BIN1: variants seen among roughly 807,000 people sequenced by gnomAD.
BIN1 encodes the protein bridging integrator 1.
BIN1 carries 53 observed loss-of-function variants against 82.0 expected under a neutral mutation model. The observed-to-expected ratio is 0.65, with a 90% CI of 0.52 to 0.81. BIN1 has a LOEUF of 0.81. BIN1 is among the 40% of genes least tolerant of loss of function. The pLI is 0.00. For synonymous variants in BIN1, 302 were observed against 328.0 expected, an observed-to-expected ratio of 0.92 and a Z score of 0.86; for missense variants, 642 against 784.4, an observed-to-expected ratio of 0.82 and a Z score of 2.17.
At chr2:127,085,814 C>T (rs576490898) in intron 1 of BIN1, among the ~76,000 whole-genome samples, 1 of 152,308 alleles carries the variant, frequency 6.6e-6, no homozygotes, top group South Asian at 2.1e-4. Flanking sequence ...ATACCTGGGG[C>T]CCCCATGTCC....
rs558821356 is a variant in BIN1, at chr2:127,092,598, G to C, written c.84+14262C>G. Among the ~76,000 whole-genome samples the C allele has an allele frequency of 1.6e-3, 241 of 152,302 alleles. 1 individual carries two copies. Among genetic ancestry groups the C allele is most frequent in the Non-Finnish European group, 2.9e-3 (200 of 68,016 alleles). ...AGGCCAGCCACCAGCTCAGGGGCAT[G>C]CTGCAGGGGGCAGCAAGGGCCTCCC... On this transcript the variant is annotated intron_variant, in intron 1 of 18. Transcript: ENST00000316724.
intron 1 of BIN1, among the ~76,000 whole-genome samples, chr2:127,091,233 C>T (rs975749665): frequency 7.9e-5 from 12 of 152,112 alleles, no homozygotes; most frequent in African/African-American, 1.9e-4. Context: ...AGGCACCCCA[C>T]GCAGCACAGT....
At chr2:127,048,816 C>T (rs1682504710) in intron 18 of BIN1, among the ~76,000 whole-genome samples, 183 bp from the exon 19 acceptor site, 2 of 152,234 alleles carry the variant, frequency 1.3e-5, no homozygotes, top group South Asian at 4.1e-4. Flanking sequence ...GGCTGAGGCT[C>T]CTGCCCAGAG....
chr2:127,048,765 C>CT, intron 18 of BIN1, 132 bp from the exon 19 acceptor site: 3 of 795,596 alleles, frequency 3.8e-6, no homozygotes, highest in Non-Finnish European at 6.4e-6. Context: ...CCAAGCCCAC[C>CT]TTGAGAACAC....
intron 1 of BIN1, among the ~76,000 whole-genome samples, chr2:127,091,748 T>C (rs889506237): frequency 1.3e-5 from 2 of 151,886 alleles, no homozygotes; most frequent in African/African-American, 4.8e-5. Context: ...TTTTTTTTAA[T>C]TAGCCAGGTG....
rs1302580612 is a variant in BIN1 at position 127,082,599 on chromosome 2, G to A, written c.85-5893C>T. 6.6e-6 allele frequency among the ~76,000 whole-genome samples: 1 copy of A among 152,136 alleles called. No homozygotes were observed. On this transcript the variant is annotated intron_variant, in intron 1 of 18. Coordinates refer to ENST00000316724, the MANE Select transcript of BIN1 (RefSeq NM_139343.3). This position sits in a 1 kb window ranked among gnomAD's most constrained non-coding sequence, Gnocchi z 6.1. The stretch of plus-strand genomic sequence containing the variant: ...GTGGCAGTGGTGAAAGGGGTACAAT[G>A]GGAGTCTTAAACCCCCAGGGGCAGA...
At chr2:127,060,505 A>G in intron 10 of BIN1, 4 of 1,567,506 alleles carry the variant, frequency 2.6e-6, no homozygotes, top group Non-Finnish European at 3.5e-6. Flanking sequence ...ATTACGGGTT[A>G]GTGGCACCTG....
In BIN1 at chr2:127,051,211, G is replaced by A; in HGVS notation, c.1404C>T (p.Thr468=). The A allele has an allele frequency of 1.2e-6, 2 of 1,613,726 alleles. No homozygotes were observed. Among genetic ancestry groups the A allele is most frequent in the Non-Finnish European group, 8.5e-7 (1 of 1,179,950 alleles). Reference sequence around the variant, plus strand: ...GCTCCTGGGCTCCAGCCGCAGGTTGGGTCCCACCCGCCACCTCCGAGGCCT... The same window carrying A: ...GCTCCTGGGCTCCAGCCGCAGGTTGAGTCCCACCCGCCACCTCCGAGGCCT... ...PAEASEVAGG[T]QPAAGAQEPG... Residue 468 remains threonine (T), a synonymous_variant, in exon 16 of 19, where the codon ACC becomes ACT. Coordinates refer to ENST00000316724, the MANE Select transcript of BIN1 (RefSeq NM_139343.3).
chr2:127,099,725 G>A (rs1680056981), intron 1 of BIN1, among the ~76,000 whole-genome samples: 1 of 149,870 alleles, frequency 6.7e-6, no homozygotes, highest in African/African-American at 2.5e-5. Context: ...TGTTGGCCAG[G>A]ATGGTCTCGA....
chr2:127,078,003 T>C (rs60622257), intron 1 of BIN1, among the ~76,000 whole-genome samples: 24,244 of 152,226 alleles, frequency 0.16, 2,029 homozygotes, highest in South Asian at 0.25. Flanking sequence ...CTGAGGCCAG[T>C]AGGTCTGCAG....
At chr2:127,077,508 A>C (rs1686771233) in intron 1 of BIN1, among the ~76,000 whole-genome samples, 1 of 152,066 alleles carries the variant, frequency 6.6e-6, no homozygotes, top group South Asian at 2.1e-4. Flanking sequence ...CTAGGAAAGG[A>C]GGGCGCTGGC....
rs1687441588 is a variant in BIN1, at chr2:127,082,623, G to C, written c.85-5917C>G. ...TGGGAGTCTTAAACCCCCAGGGGCAGAGGGAGCCAGTCTGAGGACAGTCCC... is the reference window on the plus strand; with the variant it reads ...TGGGAGTCTTAAACCCCCAGGGGCACAGGGAGCCAGTCTGAGGACAGTCCC... On this transcript the variant is annotated intron_variant, in intron 1 of 18. Transcript: ENST00000316724. The surrounding 1 kb of genome is among the most constrained non-coding windows in gnomAD (Gnocchi z 6.1). 6.6e-6 allele frequency among the ~76,000 whole-genome samples: 1 copy of C among 152,166 alleles called. No homozygotes were observed.
intron 10 of BIN1, among the ~76,000 whole-genome samples, chr2:127,060,979 G>A (rs1488743258): frequency 6.6e-6 from 1 of 152,130 alleles, no homozygotes; most frequent in Non-Finnish European, 1.5e-5. Context: ...AGCACAGAGT[G>A]CACAAGAGGC....
chr2:127,076,088 T>A (rs1383610733), intron 2 of BIN1, among the ~76,000 whole-genome samples: 1 of 146,590 alleles, frequency 6.8e-6, no homozygotes, highest in African/African-American at 2.5e-5. Flanking sequence ...CCCTCCCAGC[T>A]GCTCCCCAGC....
rs568741272 is a variant in BIN1 at position 127,069,862 on chromosome 2, G to T, written c.411+133C>A. 7.9e-6 allele frequency: 7 copies of T among 889,172 alleles called. No homozygotes were observed. The Admixed American group carries it at 1.1e-4, about 14-fold the overall frequency. The allele number at this position is 889,172 out of a possible 1,614,324, so 55.1% of individuals were successfully genotyped here. ...TGGCAGAGGGAGCAACCCCGGAGGG[G>T]TGAAACACCGGGCCAGGCGCTTCCT... On this transcript the variant is annotated intron_variant, in intron 5 of 18. Coordinates refer to ENST00000316724, the MANE Select transcript of BIN1 (RefSeq NM_139343.3).
Position 127,059,260 on chromosome 2 carries a change from A to T in BIN1, c.858-105T>A. On this transcript the variant is annotated intron_variant, in intron 10 of 18. Transcript: ENST00000316724. The surrounding 1 kb of genome is among the most constrained non-coding windows in gnomAD (Gnocchi z 6.7). ...TGTGTGAAGAGGTGTGTGCATATGG[A>T]GGTGTGAAACTGTGTGTGTGTGTGT... 4 of 1,133,648 alleles carry T rather than the reference A, an allele frequency of 3.5e-6. No homozygotes were observed. The highest frequency in any genetic ancestry group is 4.7e-6 in the Non-Finnish European group (4 of 851,870). The allele number at this position is 1,133,648 out of a possible 1,614,324, so 70.2% of individuals were successfully genotyped here.
At chr2:127,103,318 G>A (rs2105352446) in intron 1 of BIN1, among the ~76,000 whole-genome samples, 1 of 152,304 alleles carries the variant, frequency 6.6e-6, no homozygotes, top group South Asian at 2.1e-4. Flanking sequence ...AGGAGACCTT[G>A]ACCACGCAGC....
In BIN1 at chr2:127,070,587, C is replaced by T; in HGVS notation, c.281G>A (p.Trp94Ter). ...CTTGTTTGCCTCATCCCTGCCGGGCCAATCGGGCTCATACACCTCCTGCAG... is the reference window on the plus strand; with the variant it reads ...CTTGTTTGCCTCATCCCTGCCGGGCTAATCGGGCTCATACACCTCCTGCAG... The part of the protein sequence containing the change: ...ECLQEVYEPD[W>*]PGRDEANKIA... The change falls in exon 4 of 19, where the codon TGG (tryptophan) becomes TAG (stop). Residue 94 changes from tryptophan (W) to a stop codon, truncating the protein, a stop_gained. Transcript: ENST00000316724. LOFTEE classifies it high-confidence loss of function. 1 of 1,614,170 alleles carries T rather than the reference C, an allele frequency of 6.2e-7. No homozygotes were observed. The highest frequency in any genetic ancestry group is 8.5e-7 in the Non-Finnish European group (1 of 1,180,034).
intron 18 of BIN1, 93 bp from the exon 19 acceptor site, chr2:127,048,726 C>T: frequency 8.3e-7 from 1 of 1,211,224 alleles, no homozygotes; most frequent in South Asian, 1.2e-5. Flanking sequence ...GAAGACGGCC[C>T]CTCCTCCTGC....
Sources: gnomAD v4.1 joint callset for allele counts (sites outside exome capture counted in the v4.1 genomes callset) on GRCh38, gnomAD v4.1.1 for gene constraint, Gnocchi (gnomAD v3.1) non-coding constraint, MANE v1.5 for transcripts, NCBI Gene and HGNC (gene_info 2026-07-23, HGNC 2026-07-21) for gene names.